The following CFAP46 variants were observed in gnomAD, a reference collection of about 807,000 sequenced individuals.
CFAP46 encodes the protein cilia- and flagella-associated protein 46.
A neutral mutation model predicts 325.7 loss-of-function variants in CFAP46; 245 were observed. The observed-to-expected ratio is 0.75, with a 90% CI of 0.68 to 0.84. CFAP46 has a LOEUF of 0.84. Ranked by LOEUF, CFAP46 falls within the 40% of genes least tolerant of loss-of-function variation. The pLI is 0.00. For synonymous variants in CFAP46, 1,523 were observed against 1,495.9 expected (o/e 1.02, Z -0.42); for missense variants, 3,346 against 3,543.0 (o/e 0.94, Z 1.41).
chr10:132,862,772 C>T (rs942273865), intron 35 of CFAP46, among the ~76,000 whole-genome samples: 9 of 142,084 alleles, frequency 6.3e-5, no homozygotes, highest in African/African-American at 2.3e-4. Flanking sequence ...CTCCCATCGC[C>T]GGCCTCGGGG....
chr10:132,811,062 C>T (rs1187719773), intron 55 of CFAP46, 31 bp from the exon 56 acceptor site: 36 of 1,549,066 alleles, frequency 2.3e-5, no homozygotes, highest in Non-Finnish European at 2.7e-5. Flanking sequence ...GCTCAGCAGC[C>T]TTGGCCTGAC....
intron 39 of CFAP46, among the ~76,000 whole-genome samples, chr10:132,854,608 A>T (rs1848612732): frequency 6.6e-6 from 1 of 151,976 alleles, no homozygotes; most frequent in African/African-American, 2.4e-5. Flanking sequence ...AAGTGACGGG[A>T]TTACACGCAT....
intron 33 of CFAP46, among the ~76,000 whole-genome samples, chr10:132,868,923 T>C (rs1246661903): frequency 6.6e-6 from 1 of 152,252 alleles, no homozygotes; most frequent in Non-Finnish European, 1.5e-5. Flanking sequence ...GCCTGAAGGC[T>C]GCCGGAGACG....
intron 22 of CFAP46, among the ~76,000 whole-genome samples, chr10:132,901,139 T>C (rs1849387176): frequency 6.6e-6 from 1 of 152,250 alleles, no homozygotes; most frequent in Non-Finnish European, 1.5e-5. Flanking sequence ...AGTTTATCAT[T>C]GGGTCTTGCT....
intron 50 of CFAP46, among the ~76,000 whole-genome samples, chr10:132,818,124 A>C (rs1257298554): frequency 4.6e-5 from 7 of 152,146 alleles, no homozygotes; most frequent in Admixed American, 4.6e-4. Context: ...GTGTCCTGCC[A>C]ACCACACCGT....
chr10:132,833,574 C>T (rs764234122), intron 49 of CFAP46, 49 bp from the exon 50 acceptor site: 1 of 1,574,838 alleles, frequency 6.3e-7, no homozygotes. Context: ...CGGGACCCCT[C>T]CCACGGGGTC....
rs115466547 is a variant in CFAP46 at position 132,893,078 on chromosome 10, G to A, written c.3220-661C>T. On this transcript the variant is annotated intron_variant, in intron 24 of 57. Coordinates refer to ENST00000368586, the MANE Select transcript of CFAP46 (RefSeq NM_001200049.3). ...ATAAGATCTCAGGAGTTGGGTGAGC[G>A]GGCTCAAGCACGCACACTGAGAGGC... Among the ~76,000 whole-genome samples the A allele has an allele frequency of 4.5e-3, 683 of 152,302 alleles. 2 individuals are homozygous for A. Among genetic ancestry groups the A allele is most frequent in the African/African-American group, 0.016 (654 of 41,560 alleles).
chr10:132,891,178 C>T (rs1274854320), intron 25 of CFAP46, among the ~76,000 whole-genome samples: 1 of 152,200 alleles, frequency 6.6e-6, no homozygotes, highest in Non-Finnish European at 1.5e-5. Flanking sequence ...GGACAGTGCC[C>T]ACTCTGCACT....
At position 132,832,746 on chromosome 10, in the gene CFAP46, C is replaced by A; in HGVS notation, c.7117+612G>T. 1 of 471,312 alleles carries A rather than the reference C, an allele frequency of 2.1e-6. No individual in the cohort carries two copies. Among genetic ancestry groups the A allele is most frequent in the Non-Finnish European group, 4.4e-6 (1 of 227,078 alleles). 29.2% of individuals were successfully genotyped at this position (471,312 alleles called of 1,614,324 possible). On this transcript the variant is annotated intron_variant, in intron 50 of 57. Coordinates refer to ENST00000368586, the MANE Select transcript of CFAP46 (RefSeq NM_001200049.3). This position sits in a 1 kb window ranked among gnomAD's most constrained non-coding sequence, Gnocchi z 4.1. ...GCACTCAGTCACAGAATGTCATCAC[C>A]CCCGAATCCCAGCCGAGGTCAGGGC...
rs144019793 is a variant in CFAP46 at position 132,858,237 on chromosome 10, T to C, written c.5376-449A>G. On this transcript the variant is annotated intron_variant, in intron 38 of 57. Coordinates refer to ENST00000368586, the MANE Select transcript of CFAP46 (RefSeq NM_001200049.3). ...GTGGACAAGTCCGGGGGCCATAGGT[T>C]GGGGGCAGGGCAGTGGGCAGGGCCA... 8.7e-3 allele frequency among the ~76,000 whole-genome samples: 1,063 copies of C among 121,944 alleles called. 7 individuals carry two copies. Among genetic ancestry groups the C allele is most frequent in the South Asian group, 0.038 (149 of 3,876 alleles). 80.0% of individuals were successfully genotyped at this position (121,944 alleles called of 152,430 possible).
intron 22 of CFAP46, 126 bp downstream of exon 22, chr10:132,908,342 C>A: frequency 8.3e-7 from 1 of 1,200,920 alleles, no homozygotes; most frequent in South Asian, 1.4e-5. Flanking sequence ...CGGCCCAGGC[C>A]CGCGCTCCCT....
Position 132,922,488 on chromosome 10 carries a change from C to T in CFAP46, c.1477G>A (p.Val493Ile), listed in dbSNP as rs1367186601. 7.2e-6 allele frequency: 11 copies of T among 1,533,056 alleles called. No homozygotes were observed. Among genetic ancestry groups the T allele is most frequent in the African/African-American group, 2.7e-5 (2 of 72,746 alleles). The allele number at this position is 1,533,056 out of a possible 1,614,324, so 95.0% of individuals were successfully genotyped here. A position where few individuals can be genotyped will look rare whatever the true frequency, so the allele number is the denominator to read the frequency against. Reference sequence around the variant, plus strand: ...CTTCCCCGGGGCGGCACCTGCTCAACGGCCATGATGGCCTTGTCCTCTGCG... The same window carrying T: ...CTTCCCCGGGGCGGCACCTGCTCAATGGCCATGATGGCCTTGTCCTCTGCG... ...ERAEDKAIMA[V>I]EQAKKATPKD... Residue 493 changes from valine (V) to isoleucine (I), a missense_variant, in exon 12 of 58, where the codon GTT becomes ATT. By Grantham distance (29) the Val-to-Ile change is conservative. Transcript: ENST00000368586.
chr10:132,862,087 G>A (rs1436522985), intron 35 of CFAP46, among the ~76,000 whole-genome samples: 4 of 152,238 alleles, frequency 2.6e-5, no homozygotes, highest in Non-Finnish European at 4.4e-5. Context: ...GCGTAGGCAG[G>A]GCCTGGGCCC....
chr10:132,936,198 C>T (rs1458418995), intron 7 of CFAP46, among the ~76,000 whole-genome samples: 2 of 114,858 alleles, frequency 1.7e-5, no homozygotes, highest in African/African-American at 3.3e-5. Context: ...AGCCCCCAAA[C>T]ACACTGTGAT....
intron 22 of CFAP46, among the ~76,000 whole-genome samples, chr10:132,907,198 T>A (rs1342728276): frequency 6.6e-6 from 1 of 152,250 alleles, no homozygotes; most frequent in Non-Finnish European, 1.5e-5. Context: ...GTTACAGCCT[T>A]TGGGTCAGCG....
rs1389371424 is a variant in CFAP46 at position 132,919,906 on chromosome 10, A to G, written c.1730+153T>C. 6.6e-6 allele frequency among the ~76,000 whole-genome samples: 1 copy of G among 151,994 alleles called. No homozygotes were observed. Among genetic ancestry groups the G allele is most frequent in the Non-Finnish European group, 1.5e-5 (1 of 67,944 alleles). On this transcript the variant is annotated intron_variant, in intron 14 of 57. Transcript: ENST00000368586. The surrounding 1 kb of genome is among the most constrained non-coding windows in gnomAD (Gnocchi z 9.7). ...CCCGTCTGTGGCGGGACTCCCAGGC[A>G]GGGACCTCGTCCCACCATCCTGGAG...
At chr10:132,840,194 CTG>C (rs1848326923) in intron 44 of CFAP46, among the ~76,000 whole-genome samples, 1 of 152,128 alleles carries the variant, frequency 6.6e-6, no homozygotes, top group Admixed American at 6.6e-5. Flanking sequence ...CTTTGGTGAG[CTG>C]TGTTATGTTG....
Position 132,938,663 on chromosome 10 carries a change from G to A in CFAP46, c.462C>T (p.Pro154=). 5.0e-6 allele frequency: 8 copies of A among 1,613,764 alleles called. No homozygotes were observed. Among genetic ancestry groups the A allele is most frequent in the Non-Finnish European group, 6.8e-6 (8 of 1,179,986 alleles). Residue 154 remains proline (P), a synonymous_variant, in exon 5 of 58, where the codon CCC becomes CCT. Transcript: ENST00000368586. ...GCACGTTTATGATTTGGGAAAGGCT[G>A]GGGATCAGATGGTGACGATATCCAG... is the stretch of plus-strand genomic sequence containing the variant. ...LKPGYRHHLI[P]SLSQIINVLS...
chr10:132,854,323 G>A (rs1001413598), intron 39 of CFAP46, among the ~76,000 whole-genome samples: 4 of 151,072 alleles, frequency 2.6e-5, no homozygotes, highest in African/African-American at 9.8e-5. Context: ...ATAGCTTTCT[G>A]TGTTTTGTTT....
Sources: allele counts gnomAD v4.1 joint callset (sites outside exome capture counted in the v4.1 genomes callset), GRCh38; gene constraint gnomAD v4.1.1; non-coding constraint Gnocchi (gnomAD v3.1); transcripts MANE v1.5; gene names NCBI Gene and HGNC (gene_info 2026-07-23, HGNC 2026-07-21).